The following MMP26 variants were observed in gnomAD, a reference collection of about 807,000 sequenced individuals.
MMP26 encodes the protein matrix metallopeptidase 26.
MMP26 carries 33 observed loss-of-function variants against 31.0 expected under a neutral mutation model. The ratio of observed to expected loss-of-function variants is 1.06; its 90% CI spans 0.81 to 1.42. MMP26 has a LOEUF of 1.42. Ranked by LOEUF, MMP26 falls within the 40% of genes most tolerant of loss-of-function variation. The pLI, the probability that MMP26 is intolerant of heterozygous loss-of-function variation, is 0.00. For synonymous variants in MMP26, 122 were observed against 114.9 expected, an observed-to-expected ratio of 1.06 and a Z score of -0.40; for missense variants, 347 against 316.1, an observed-to-expected ratio of 1.10 and a Z score of -0.74.
intron 2 of MMP26, among the ~76,000 whole-genome samples, chr11:4,809,250 CAA>C (rs1849318193): frequency 6.6e-6 from 1 of 152,140 alleles, no homozygotes. Flanking sequence ...ATGTCATTTT[CAA>C]ACACTATAAC....
intron 2 of MMP26, chr11:4,943,367 T>A (rs748728960): frequency 4.4e-4 from 164 of 376,556 alleles, no homozygotes; most frequent in Non-Finnish European, 7.7e-4. Context: ...ACTGGTTTCC[T>A]TTCTGAGGAA....
At position 4,908,265 on chromosome 11, in the gene MMP26, G is replaced by A. The variant is rs754315561; in HGVS notation, c.-144-79803G>A. 12 of 1,613,914 alleles carry A rather than the reference G, an allele frequency of 7.4e-6. No homozygotes were observed. In the Admixed American group the frequency reaches 1.8e-4, roughly 25 times the overall value. On this transcript the variant is annotated intron_variant, in intron 2 of 7. Coordinates refer to ENST00000380390, the MANE Select transcript of MMP26 (RefSeq NM_021801.5). ...TACTGTGTAAAGACTCGACAAATCT[G>A]GGAGAAGATCTTGGGGAAGTTGCTT...
chr11:4,905,793 C>T (rs76093317), intron 2 of MMP26, among the ~76,000 whole-genome samples: 2 of 152,016 alleles, frequency 1.3e-5, no homozygotes, highest in East Asian at 3.8e-4. Context: ...ACCTTGAAGG[C>T]CAAAAACTTG....
At chr11:4,913,882 C>T (rs1851030739) in intron 2 of MMP26, 1 of 152,176 alleles carries the variant, frequency 6.6e-6, no homozygotes, top group Non-Finnish European at 1.5e-5. Context: ...AAGGCTATTA[C>T]TGTGTCAACT....
chr11:4,956,833 A>T (rs1339366289), intron 2 of MMP26, among the ~76,000 whole-genome samples: 2 of 152,236 alleles, frequency 1.3e-5, no homozygotes, highest in South Asian at 2.1e-4. Context: ...CAAGCCAAAT[A>T]TCTGAGATTC....
intron 2 of MMP26, among the ~76,000 whole-genome samples, chr11:4,983,808 CAG>C (rs1589824221): frequency 6.6e-6 from 1 of 152,190 alleles, no homozygotes; most frequent in Admixed American, 6.5e-5. Context: ...TTTGGATCAG[CAG>C]CATTGGCATC....
chr11:4,706,107 T>G (rs1217192937), intron 1 of MMP26, among the ~76,000 whole-genome samples: 4 of 151,962 alleles, frequency 2.6e-5, no homozygotes, highest in Non-Finnish European at 4.4e-5. Context: ...CTATGTACAG[T>G]GGAAAGGGGG....
chr11:4,721,103 AATT>A (rs1848005575), intron 1 of MMP26, among the ~76,000 whole-genome samples: 1 of 152,140 alleles, frequency 6.6e-6, no homozygotes, highest in Admixed American at 6.5e-5. Context: ...GGAACCAAAC[AATT>A]ATTCTGATTC....
intron 2 of MMP26, among the ~76,000 whole-genome samples, chr11:4,810,173 T>C (rs556387836): frequency 1.3e-5 from 2 of 152,058 alleles, no homozygotes; most frequent in Non-Finnish European, 2.9e-5. Context: ...GGGATTTGAA[T>C]GCTTGTGCAA....
intron 1 of MMP26, among the ~76,000 whole-genome samples, chr11:4,730,404 A>AAGAGAG (rs59289871): frequency 0.015 from 2,159 of 145,002 alleles, 34 homozygotes; most frequent in African/African-American, 0.034. Context: ...GTTTCTGGGA[A>AAGAGAG]AGAGAGAGAG....
At chr11:4,816,330 T>G (rs546419264) in intron 2 of MMP26, among the ~76,000 whole-genome samples, 2 of 152,324 alleles carry the variant, frequency 1.3e-5, no homozygotes, top group East Asian at 3.9e-4. Context: ...TCTAGAAGAA[T>G]ATGTATTCTG....
At chr11:4,843,240 G>T (rs993205565) in intron 2 of MMP26, among the ~76,000 whole-genome samples, 1 of 152,190 alleles carries the variant, frequency 6.6e-6, no homozygotes, top group Non-Finnish European at 1.5e-5. Context: ...GATCCATTAG[G>T]CAGTGCCCCA....
intron 2 of MMP26, among the ~76,000 whole-genome samples, chr11:4,844,824 C>A (rs113226697): frequency 4.4e-4 from 67 of 152,068 alleles, no homozygotes; most frequent in African/African-American, 1.5e-3. Flanking sequence ...AAACTGAAAG[C>A]CTTTACTCTA....
At chr11:4,849,189 T>G (rs1849936766) in intron 2 of MMP26, 10 of 1,611,306 alleles carry the variant, frequency 6.2e-6, no homozygotes, top group Non-Finnish European at 7.6e-6. Context: ...GGGGGCTATC[T>G]GAGTTGGTAA....
At chr11:4,841,961 A>G (rs1348341303) in intron 2 of MMP26, among the ~76,000 whole-genome samples, 1 of 152,226 alleles carries the variant, frequency 6.6e-6, no homozygotes, top group African/African-American at 2.4e-5. Flanking sequence ...CTGAAAGAAC[A>G]GGACATTAAT....
chr11:4,760,942 T>C (rs1848563092), intron 1 of MMP26, among the ~76,000 whole-genome samples: 1 of 152,190 alleles, frequency 6.6e-6, no homozygotes, highest in Non-Finnish European at 1.5e-5. Flanking sequence ...ATATAAGAAG[T>C]ATAATTTTTG....
intron 1 of MMP26, among the ~76,000 whole-genome samples, chr11:4,727,094 C>A (rs1234461038): frequency 6.6e-6 from 1 of 152,094 alleles, no homozygotes; most frequent in East Asian, 1.9e-4. Flanking sequence ...AAAAAACTTA[C>A]ATTGCTTGTC....
rs568251855 is a variant in MMP26, at chr11:4,809,790, A to G, written c.-145+42449A>G. Reference sequence around the variant, plus strand: ...CAGTAGTCTTGGATCTGTAGACCTGAAGCTCCCATTGAGTTAGGCCATTGC... The same window carrying G: ...CAGTAGTCTTGGATCTGTAGACCTGGAGCTCCCATTGAGTTAGGCCATTGC... On this transcript the variant is annotated intron_variant, in intron 2 of 7. Transcript: ENST00000380390. 2.0e-5 allele frequency among the ~76,000 whole-genome samples: 3 copies of G among 152,130 alleles called. No individual in the cohort carries two copies. The South Asian group carries it at 6.2e-4, about 32-fold the overall frequency.
chr11:4,748,972 G>A (rs1441378891), intron 1 of MMP26, among the ~76,000 whole-genome samples: 1 of 151,878 alleles, frequency 6.6e-6, no homozygotes, highest in Non-Finnish European at 1.5e-5. Flanking sequence ...AAAATGAAAT[G>A]CATCAAAATT....
Sources: gnomAD v4.1 joint callset for allele counts (sites outside exome capture counted in the v4.1 genomes callset) on GRCh38, gnomAD v4.1.1 for gene constraint, MANE v1.5 for transcripts, NCBI Gene and HGNC (gene_info 2026-07-23, HGNC 2026-07-21) for gene names.